USP22: variants seen among roughly 807,000 people sequenced by gnomAD.
USP22 encodes ubiquitin specific peptidase 22, also known as ubiquitin carboxyl-terminal hydrolase 22.
A neutral mutation model predicts 68.1 loss-of-function variants in USP22; 22 were observed. The observed-to-expected ratio is 0.32, with a 90% CI of 0.23 to 0.46. USP22 has a LOEUF of 0.46. Ranked by LOEUF, USP22 falls within the 20% of genes least tolerant of loss-of-function variation. The probability of loss-of-function intolerance (pLI) is 1.00; values close to 1 mark genes in which losing one functional copy is unlikely to be tolerated. For missense variants in USP22, 433 were observed against 695.8 expected (o/e 0.62, Z 4.25); for synonymous variants, 279 against 274.2 (o/e 1.02, Z -0.17).
intron 2 of USP22, among the ~76,000 whole-genome samples, chr17:21,027,226 C>T (rs777689959): frequency 1.5e-4 from 22 of 144,644 alleles, no homozygotes; most frequent in Non-Finnish European, 2.1e-4. Flanking sequence ...AGGTCAAGGC[C>T]GCAGCGAGCC....
rs114435785 is a variant in USP22, at chr17:21,033,896, G to A, written c.172-5222C>T. 8.2e-3 allele frequency among the ~76,000 whole-genome samples: 1,243 copies of A among 151,864 alleles called. 21 individuals are homozygous for A. Among genetic ancestry groups the A allele is most frequent in the African/African-American group, 0.029 (1,186 of 41,378 alleles). On this transcript the variant is annotated intron_variant, in intron 1 of 12. Transcript: ENST00000261497. ...CCCGAGTATCTGGGACTACGGGCGC[G>A]TGCCACCATGCTCGGCTAACTTTTT...
At chr17:21,009,539 C>T (rs1297216430) in intron 8 of USP22, among the ~76,000 whole-genome samples, 1 of 152,212 alleles carries the variant, frequency 6.6e-6, no homozygotes, top group Non-Finnish European at 1.5e-5. Context: ...ACAACACAGG[C>T]TTCCCACACA....
intron 1 of USP22, among the ~76,000 whole-genome samples, chr17:21,038,513 C>T (rs1252141997): frequency 6.6e-6 from 1 of 151,892 alleles, no homozygotes; most frequent in East Asian, 1.9e-4. Flanking sequence ...ACCAAAAATA[C>T]AAAAATTAGC....
At chr17:21,027,995 C>T (rs747794322) in intron 2 of USP22, among the ~76,000 whole-genome samples, 9 of 152,072 alleles carry the variant, frequency 5.9e-5, no homozygotes, top group Non-Finnish European at 1.3e-4. Context: ...AAGAGCAAAA[C>T]TGAGTTTTAT....
intron 1 of USP22, among the ~76,000 whole-genome samples, chr17:21,040,887 CTTTTTT>C (rs376506784): frequency 1.4e-5 from 2 of 142,876 alleles, no homozygotes; most frequent in Non-Finnish European, 3.0e-5. Context: ...CCAGGCCACC[CTTTTTT>C]TTTTTTTTCC....
chr17:21,011,447 G>GA, intron 7 of USP22, 138 bp from the exon 8 acceptor site: 1 of 1,151,166 alleles, frequency 8.7e-7, no homozygotes, highest in Non-Finnish European at 1.2e-6. Context: ...GATGGGGCAG[G>GA]AGCAAGAGCA....
In USP22 at chr17:21,018,017, C is replaced by T; in HGVS notation, c.615G>A (p.Leu205=). ...GCATCTCACAGCGGTGCCTGTCAGA[C>T]AGGAAGAAGTCCCGCAGAAGTGGCG... ...THTPLLRDFF[L]SDRHRCEMQS... The change falls in exon 5 of 13, where the codon CTG becomes CTA. Residue 205 remains leucine (L), a synonymous_variant. Transcript: ENST00000261497. 2 of 1,614,102 alleles carry T rather than the reference C, an allele frequency of 1.2e-6. No homozygotes were observed. The highest frequency in any genetic ancestry group is 1.7e-6 in the Non-Finnish European group (2 of 1,180,034).
In USP22 at chr17:21,009,091, CAAAAAAAAAAAA is replaced by C. The variant is rs56665164; in HGVS notation, c.1104-1107_1104-1096del. Among the ~76,000 whole-genome samples the C allele has an allele frequency of 5.3e-4, 49 of 91,908 alleles. 1 individual carries two copies. The highest frequency in any genetic ancestry group is 1.9e-3 in the African/African-American group (45 of 23,316). The allele number at this position is 91,908 out of a possible 152,430, so 60.3% of individuals were successfully genotyped here. ...GGGCAACAAGAGCAAGACTCCATTTCAAAAAAAAAAAAAAAAAAAAAAAAAGGCAAGAGGACT... is the reference window on the plus strand; with the variant it reads ...GGGCAACAAGAGCAAGACTCCATTTCAAAAAAAAAAAAAGGCAAGAGGACT... On this transcript the variant is annotated intron_variant, in intron 8 of 12. Transcript: ENST00000261497.
In USP22 at chr17:21,021,241, G is replaced by A; in HGVS notation, c.305-15C>T. 1.9e-6 allele frequency: 3 copies of A among 1,576,062 alleles called. No homozygotes were observed. The highest frequency in any genetic ancestry group is 1.1e-5 in the South Asian group (1 of 90,126). The stretch of plus-strand genomic sequence containing the variant: ...CAGATCAATGGCTGAGGAGAGAAAG[G>A]AGGGAGGAGAAACCAAGTTGAATTA... On this transcript the variant is annotated splice_polypyrimidine_tract_variant and intron_variant, in intron 2 of 12. Transcript: ENST00000261497.
intron 2 of USP22, 49 bp downstream of exon 2, chr17:21,028,493 A>G: frequency 6.3e-7 from 1 of 1,599,548 alleles, no homozygotes. Context: ...ATCAAAGAGT[A>G]GCAATTTGGG....
At chr17:21,028,704 G>T in intron 1 of USP22, 30 bp from the exon 2 acceptor site, 1 of 1,609,550 alleles carries the variant, frequency 6.2e-7, no homozygotes. Flanking sequence ...AGGAGTGAAC[G>T]CTGTGTGATA....
Position 21,013,885 on chromosome 17 carries a change from T to C in USP22, c.839-950A>G, listed in dbSNP as rs539916786. On this transcript the variant is annotated intron_variant, in intron 6 of 12. Coordinates refer to ENST00000261497, the MANE Select transcript of USP22 (RefSeq NM_015276.2). ...GTTAGGAGACCGAGACCATCCTGGC[T>C]AACACGGTGAAACCCCGTCTCTACT... 3.3e-5 allele frequency among the ~76,000 whole-genome samples: 5 copies of C among 152,258 alleles called. No individual in the cohort carries two copies. In the South Asian group the frequency reaches 1.0e-3, roughly 32 times the overall value.
rs760056926 is a variant in USP22 at position 21,004,334 on chromosome 17, A to G, written c.1403T>C (p.Val468Ala). The G allele has an allele frequency of 6.2e-7, 1 of 1,614,156 alleles. No homozygotes were observed. Among genetic ancestry groups the G allele is most frequent in the South Asian group, 1.1e-5 (1 of 91,086 alleles). Reference protein sequence around the residue: ...NNDNKYSLFAVVNHQGTLESG... With the variant: ...NNDNKYSLFAAVNHQGTLESG... ...CTCCAAGGTCCCTTGATGGTTAACA[A>G]CAGCAAACAGGGAATACCTAGTGCA... The change falls in exon 12 of 13, where the codon GTT (valine) becomes GCT (alanine). Residue 468 changes from valine to alanine, a missense_variant. By Grantham distance (64) the Val-to-Ala change is moderately conservative (BLOSUM62 0). Transcript: ENST00000261497.
In USP22 at chr17:21,001,154, C is replaced by T. The variant is rs1913564140; in HGVS notation, c.*1877G>A. 1 of 152,158 alleles carries T rather than the reference C, an allele frequency of 6.6e-6. No homozygotes were observed. Among genetic ancestry groups the T allele is most frequent in the African/African-American group, 2.4e-5 (1 of 41,432 alleles). 9.4% of individuals were successfully genotyped at this position (152,158 alleles called of 1,614,324 possible). A position where few individuals can be genotyped will look rare whatever the true frequency, so the allele number is the denominator to read the frequency against. On this transcript the variant is annotated 3_prime_UTR_variant, in exon 13 of 13. Transcript: ENST00000261497. The stretch of plus-strand genomic sequence containing the variant: ...CATTTCTGAAAATCTCGGCCCATCT[C>T]TGTTTCTCTGGTAATTCATTTTATA...
Position 21,019,090 on chromosome 17 carries a change from T to G in USP22, c.514A>C (p.Thr172Pro), listed in dbSNP as rs770174763. 6.2e-7 allele frequency: 1 copy of G among 1,614,144 alleles called. No individual in the cohort carries two copies. Among genetic ancestry groups the G allele is most frequent in the Non-Finnish European group, 8.5e-7 (1 of 1,179,964 alleles). The change falls in exon 4 of 13, where the codon ACC (threonine) becomes CCC (proline). Residue 172 changes from threonine (T) to proline (P), a missense_variant. Physicochemically the swap from Thr to Pro is conservative, Grantham distance 38. Around this residue, in one of 4 missense-constraint regions of USP22, gnomAD observed 144 missense variants for 237.2 expected, o/e 0.61. Transcript: ENST00000261497. Reference sequence around the variant, plus strand: ...GACGACACGCTCCACCCACCTATGGTGCAGTTCGAGGTGATCTTTCTCCTT... The same window carrying G: ...GACGACACGCTCCACCCACCTATGGGGCAGTTCGAGGTGATCTTTCTCCTT... ...PKRRKITSNC[T>P]IGLRGLINLG...
At chr17:21,009,687 GCTCACA>G (rs72274109) in intron 8 of USP22, among the ~76,000 whole-genome samples, 36,468 of 151,982 alleles carry the variant, frequency 0.24, 4,902 homozygotes, top group Middle Eastern at 0.32. Flanking sequence ...GGGCATGCTG[GCTCACA>G]CCTGTAATCC....
intron 9 of USP22, among the ~76,000 whole-genome samples, chr17:21,007,658 C>T (rs1179460845): frequency 1.3e-5 from 2 of 152,194 alleles, no homozygotes; most frequent in African/African-American, 2.4e-5. Context: ...TCTACTTTCA[C>T]TGCGAAGCCA....
chr17:21,002,800 G>A lies in USP22; in HGVS notation c.*231C>T. 2 of 520,048 alleles carry A rather than the reference G, an allele frequency of 3.8e-6. No homozygotes were observed. Among genetic ancestry groups the A allele is most frequent in the Non-Finnish European group, 7.0e-6 (2 of 284,144 alleles). The allele number at this position is 520,048 out of a possible 1,614,324, so 32.2% of individuals were successfully genotyped here. ...GTGTACGCTGCTCCTCCCACCCAGA[G>A]CACACCCCTCATCTCATCCATCTTC... is the stretch of plus-strand genomic sequence containing the variant. On this transcript the variant is annotated 3_prime_UTR_variant, in exon 13 of 13. Coordinates refer to ENST00000261497, the MANE Select transcript of USP22 (RefSeq NM_015276.2).
At chr17:21,030,256 T>C (rs979949817) in intron 1 of USP22, among the ~76,000 whole-genome samples, 15 of 152,210 alleles carry the variant, frequency 9.9e-5, no homozygotes, top group African/African-American at 3.6e-4. Context: ...TCAGGAATAA[T>C]GACATGAGAA....
Sources: allele counts gnomAD v4.1 joint callset (sites outside exome capture counted in the v4.1 genomes callset), GRCh38; gene constraint gnomAD v4.1.1; regional missense constraint gnomAD v4.1.1; transcripts MANE v1.5; gene names NCBI Gene and HGNC (gene_info 2026-07-23, HGNC 2026-07-21).